ANKS1A: variants seen among roughly 807,000 people sequenced by gnomAD.
The protein encoded by ANKS1A is ankyrin repeat and sterile alpha motif domain containing 1A.
Under a neutral mutation model 120.3 loss-of-function variants are expected in ANKS1A, and 55 were observed. The ratio of observed to expected loss-of-function variants is 0.46; its 90% CI spans 0.37 to 0.57. The LOEUF (loss-of-function observed/expected upper bound fraction) is 0.57. Ranked by LOEUF, ANKS1A falls within the 20% of genes least tolerant of loss-of-function variation. The probability of loss-of-function intolerance (pLI) is 0.00; values close to 1 mark genes in which losing one functional copy is unlikely to be tolerated. For synonymous variants in ANKS1A, 590 were observed against 604.7 expected (o/e 0.98, Z 0.36); for missense variants, 1,123 against 1,480.3 (o/e 0.76, Z 3.96).
rs558862759 is a variant in ANKS1A, at chr6:35,073,854, G to A, written c.2185-4704G>A. ...AGAGGGTGTGGTAACTTCCAGAAAC[G>A]TTTCTTGCCCTTTGAGGATATGTGG... On this transcript the variant is annotated intron_variant, in intron 13 of 23. Transcript: ENST00000360359. 2.6e-5 allele frequency among the ~76,000 whole-genome samples: 4 copies of A among 152,294 alleles called. No individual in the cohort carries two copies. In the South Asian group the frequency reaches 6.2e-4, roughly 24 times the overall value.
chr6:35,041,901 T>G (rs1775478757), intron 11 of ANKS1A, among the ~76,000 whole-genome samples: 1 of 152,168 alleles, frequency 6.6e-6, no homozygotes, highest in Non-Finnish European at 1.5e-5. Flanking sequence ...TGTGTTCCTG[T>G]CCACTTGGCT....
At chr6:34,905,834 G>T (rs1767621089) in intron 1 of ANKS1A, among the ~76,000 whole-genome samples, 1 of 152,154 alleles carries the variant, frequency 6.6e-6, no homozygotes, top group African/African-American at 2.4e-5. Context: ...TGTTCTTGTT[G>T]TAGGATTTTG....
chr6:34,901,107 G>A (rs1767328892), intron 1 of ANKS1A, among the ~76,000 whole-genome samples: 1 of 152,032 alleles, frequency 6.6e-6, no homozygotes, highest in African/African-American at 2.4e-5. Context: ...GGACCCATAA[G>A]CTACATAAAC....
At chr6:34,999,571 C>A (rs563188119) in intron 10 of ANKS1A, among the ~76,000 whole-genome samples, 4 of 152,100 alleles carry the variant, frequency 2.6e-5, no homozygotes, top group Non-Finnish European at 5.9e-5. Context: ...AGGGAGATTA[C>A]GGTGTTACTA....
intron 2 of ANKS1A, 94 bp from the exon 3 acceptor site, chr6:34,969,916 C>G: frequency 2.8e-6 from 4 of 1,433,770 alleles, no homozygotes; most frequent in Non-Finnish European, 2.8e-6. Context: ...AATGAGATAT[C>G]TGTGAAAGGG....
intron 11 of ANKS1A, among the ~76,000 whole-genome samples, chr6:35,031,907 G>T: frequency 6.6e-6 from 1 of 151,936 alleles, no homozygotes; most frequent in African/African-American, 2.4e-5. Context: ...TCCCCTACAC[G>T]TTGGTTTATA....
In ANKS1A at chr6:35,078,759, G is replaced by A. The variant is rs184181900; in HGVS notation, c.2283+103G>A. Reference sequence around the variant, plus strand: ...GGGGAGGAGCAGGGCTCCAGCACACGCACATCATAGCAGGACCTCTACCCC... The same window carrying A: ...GGGGAGGAGCAGGGCTCCAGCACACACACATCATAGCAGGACCTCTACCCC... On this transcript the variant is annotated intron_variant, in intron 14 of 23. Coordinates refer to ENST00000360359, the MANE Select transcript of ANKS1A (RefSeq NM_015245.3). The A allele has an allele frequency of 1.8e-4, 193 of 1,082,682 alleles. 1 individual carries two copies. Among genetic ancestry groups the A allele is most frequent in the Non-Finnish European group, 1.4e-4 (100 of 733,498 alleles). The allele number at this position is 1,082,682 out of a possible 1,614,324, so 67.1% of individuals were successfully genotyped here.
intron 1 of ANKS1A, among the ~76,000 whole-genome samples, chr6:34,942,249 A>C (rs1769572308): frequency 6.6e-6 from 1 of 152,226 alleles, no homozygotes; most frequent in African/African-American, 2.4e-5. Context: ...CGAGGAAGTG[A>C]ACATTTTCTC....
intron 9 of ANKS1A, among the ~76,000 whole-genome samples, chr6:34,990,404 A>G (rs1772441389): frequency 6.6e-6 from 1 of 152,108 alleles, no homozygotes. Flanking sequence ...ACCTCTGGAT[A>G]ATAACACATT....
At chr6:34,896,441 G>A (rs989286297) in intron 1 of ANKS1A, among the ~76,000 whole-genome samples, 4 of 150,862 alleles carry the variant, frequency 2.7e-5, no homozygotes, top group African/African-American at 9.7e-5. Flanking sequence ...CTGCATTTTG[G>A]AATTGCTGTA....
chr6:35,054,891 A>G (rs1776130232), intron 12 of ANKS1A, among the ~76,000 whole-genome samples: 1 of 152,208 alleles, frequency 6.6e-6, no homozygotes, highest in African/African-American at 2.4e-5. Flanking sequence ...CAAGCATCCA[A>G]AGATGGTCTG....
chr6:35,038,127 G>T, intron 11 of ANKS1A: 1 of 453,622 alleles, frequency 2.2e-6, no homozygotes, highest in South Asian at 1.6e-5. Context: ...TTGCCAGCCT[G>T]TGCCTTTCCT....
intron 11 of ANKS1A, among the ~76,000 whole-genome samples, 161 bp from the exon 12 acceptor site, chr6:35,053,936 CTT>C (rs1485430339): frequency 6.6e-6 from 1 of 152,244 alleles, no homozygotes; most frequent in Non-Finnish European, 1.5e-5. Context: ...GAAGGCCTCT[CTT>C]AGACCTGAGC....
chr6:34,918,161 G>T (rs775590640), intron 1 of ANKS1A, among the ~76,000 whole-genome samples: 2 of 152,192 alleles, frequency 1.3e-5, no homozygotes, highest in Non-Finnish European at 2.9e-5. Context: ...ACACCTTCTG[G>T]TTGAAAACCA....
At chr6:35,095,974 C>G (rs1438104558), downstream of ANKS1A, among the ~76,000 whole-genome samples, 2 of 152,170 alleles carry the variant, frequency 1.3e-5, no homozygotes, top group Non-Finnish European at 1.5e-5. Flanking sequence ...ACATGTATTC[C>G]CATTGCAATA....
intron 11 of ANKS1A, among the ~76,000 whole-genome samples, chr6:35,049,359 T>C (rs1775866173): frequency 6.6e-6 from 1 of 152,200 alleles, no homozygotes; most frequent in African/African-American, 2.4e-5. Flanking sequence ...GCTAGCTGTG[T>C]ACAAGGCATA....
chr6:35,052,536 A>G (rs1297672469), intron 11 of ANKS1A, among the ~76,000 whole-genome samples: 2 of 145,398 alleles, frequency 1.4e-5, no homozygotes, highest in African/African-American at 5.1e-5. Flanking sequence ...AGTCTTAGCT[A>G]TTCAGTGGGA....
intron 11 of ANKS1A, among the ~76,000 whole-genome samples, chr6:35,023,059 A>C (rs1774425379): frequency 6.6e-6 from 1 of 152,140 alleles, no homozygotes; most frequent in African/African-American, 2.4e-5. Context: ...TGTGTCGTGC[A>C]TTAATAGGCC....
At chr6:34,941,225 A>C (rs755935483) in intron 1 of ANKS1A, among the ~76,000 whole-genome samples, 81 of 152,234 alleles carry the variant, frequency 5.3e-4, no homozygotes, top group Middle Eastern at 3.4e-3. Flanking sequence ...TGACCTTGTG[A>C]TCGGCCTGCC....
Sources: allele counts gnomAD v4.1 joint callset (sites outside exome capture counted in the v4.1 genomes callset), GRCh38; gene constraint gnomAD v4.1.1; transcripts MANE v1.5; gene names NCBI Gene and HGNC (gene_info 2026-07-23, HGNC 2026-07-21).